PCDH15: variants seen among roughly 807,000 people sequenced by gnomAD.
The protein encoded by PCDH15 is protocadherin related 15.
PCDH15 carries 129 observed loss-of-function variants against 178.5 expected under a neutral mutation model. The observed-to-expected ratio is 0.72, with a 90% CI of 0.63 to 0.84. The LOEUF (loss-of-function observed/expected upper bound fraction) is 0.84, where lower values mean the gene tolerates loss of function less well. PCDH15 is among the 40% of genes least tolerant of loss of function. The pLI, the probability that PCDH15 is intolerant of heterozygous loss-of-function variation, is 0.00. For missense variants in PCDH15, 2,230 were observed against 2,099.9 expected (o/e 1.06, Z -1.21); for synonymous variants, 800 against 732.0 (o/e 1.09, Z -1.50).
intron 15 of PCDH15, among the ~76,000 whole-genome samples, chr10:54,092,759 A>G (rs1045111270): frequency 2.0e-5 from 3 of 152,164 alleles, no homozygotes; most frequent in Admixed American, 1.3e-4. Flanking sequence ...TCAGAGAATT[A>G]TATCTGGAGA....
chr10:54,410,877 A>G (rs1953388179), intron 3 of PCDH15, among the ~76,000 whole-genome samples: 1 of 116,378 alleles, frequency 8.6e-6, no homozygotes, highest in Non-Finnish European at 1.9e-5. Context: ...AAGGACTCTG[A>G]CCGAGCTGGC....
intron 33 of PCDH15, among the ~76,000 whole-genome samples, 177 bp downstream of exon 33, chr10:53,819,988 C>T (rs761550450): frequency 2.0e-5 from 3 of 151,862 alleles, no homozygotes; most frequent in Non-Finnish European, 4.4e-5. Context: ...GGCAATATAA[C>T]AATTTAATAG....
chr10:54,322,870 CCTAAA>C (rs1473797369), intron 7 of PCDH15, among the ~76,000 whole-genome samples: 3 of 150,466 alleles, frequency 2.0e-5, no homozygotes, highest in African/African-American at 7.5e-5. Context: ...ACAAGTAGCA[CCTAAA>C]CTAAAGAGCT....
chr10:54,346,058 G>A (rs552981471), intron 6 of PCDH15, among the ~76,000 whole-genome samples: 1 of 152,060 alleles, frequency 6.6e-6, no homozygotes, highest in East Asian at 1.9e-4. Flanking sequence ...TTTGACACTT[G>A]TTATCTCATC....
chr10:54,183,657 C>T (rs2048221215), intron 12 of PCDH15, 64 bp from the exon 13 acceptor site: 3 of 1,584,016 alleles, frequency 1.9e-6, no homozygotes, highest in Non-Finnish European at 2.6e-6. Context: ...ACAGAGTTTG[C>T]TCTTACAGTT....
At chr10:54,700,025 A>C (rs142330695) in intron 1 of PCDH15, among the ~76,000 whole-genome samples, 1 of 152,176 alleles carries the variant, frequency 6.6e-6, no homozygotes, top group East Asian at 1.9e-4. Flanking sequence ...GGTTCCCAGC[A>C]TGAAGGGGCT....
intron 1 of PCDH15, among the ~76,000 whole-genome samples, chr10:55,222,730 C>CACACACACACACACACACACATATATAT: frequency 8.2e-6 from 1 of 121,262 alleles, no homozygotes; most frequent in Non-Finnish European, 1.7e-5. Context: ...CACACACACA[C>CACACACACACACACACACACATATATAT]ATATATATAT....
At chr10:55,521,992 T>C (rs1488563790) in intron 2 of PCDH15, among the ~76,000 whole-genome samples, 1 of 151,906 alleles carries the variant, frequency 6.6e-6, no homozygotes, top group African/African-American at 2.4e-5. Context: ...GAATGCATAT[T>C]GAATTCATAT....
At chr10:54,001,235 A>G (rs1255819116) in intron 20 of PCDH15, among the ~76,000 whole-genome samples, 1 of 152,234 alleles carries the variant, frequency 6.6e-6, no homozygotes, top group African/African-American at 2.4e-5. Context: ...ATAAGAAATC[A>G]TCTGAAGATA....
chr10:54,588,335 A>C (rs1210260929), intron 2 of PCDH15, among the ~76,000 whole-genome samples: 1 of 152,222 alleles, frequency 6.6e-6, no homozygotes, highest in African/African-American at 2.4e-5. Flanking sequence ...TAATGACAAT[A>C]TATTTGTTGG....
At chr10:55,432,794 TA>T (rs1339641517) in intron 2 of PCDH15, among the ~76,000 whole-genome samples, 30 of 151,184 alleles carry the variant, frequency 2.0e-4, no homozygotes, top group African/African-American at 2.2e-4. Flanking sequence ...TATATATATA[TA>T]TTTTATTTTT....
intron 2 of PCDH15, among the ~76,000 whole-genome samples, chr10:54,929,195 A>G (rs1031406705): frequency 1.1e-4 from 16 of 152,232 alleles, no homozygotes; most frequent in Admixed American, 9.8e-4. Flanking sequence ...CATGGGACCA[A>G]TGTTCAGCTC....
chr10:55,587,229 T>C (rs1367145226), intron 2 of PCDH15, among the ~76,000 whole-genome samples: 1 of 152,096 alleles, frequency 6.6e-6, no homozygotes, highest in African/African-American at 2.4e-5. Context: ...ATCACAATAC[T>C]TCAACATAAA....
At chr10:54,532,319 A>C (rs1482453327) in intron 2 of PCDH15, among the ~76,000 whole-genome samples, 6 of 152,206 alleles carry the variant, frequency 3.9e-5, no homozygotes, top group Non-Finnish European at 7.3e-5. Flanking sequence ...TAACCTACAA[A>C]GTCCTCCACA....
chr10:55,503,403 T>C (rs1840697259), intron 2 of PCDH15, among the ~76,000 whole-genome samples: 1 of 148,508 alleles, frequency 6.7e-6, no homozygotes, highest in Non-Finnish European at 1.5e-5. Flanking sequence ...AAAATTATAT[T>C]GTATTAATTA....
chr10:55,348,144 C>A (rs1016220824), intron 2 of PCDH15, among the ~76,000 whole-genome samples: 6 of 152,084 alleles, frequency 3.9e-5, no homozygotes, highest in Non-Finnish European at 7.4e-5. Context: ...GTCATTGTCC[C>A]ATGCTTCCCT....
At chr10:54,178,180 G>C (rs1378284989) in intron 13 of PCDH15, among the ~76,000 whole-genome samples, 1 of 152,008 alleles carries the variant, frequency 6.6e-6, no homozygotes, top group African/African-American at 2.4e-5. Flanking sequence ...AAAAGATTAA[G>C]GACTTTTGAC....
intron 20 of PCDH15, among the ~76,000 whole-genome samples, chr10:54,006,247 C>T (rs2092383373): frequency 6.6e-6 from 1 of 152,244 alleles, no homozygotes; most frequent in Middle Eastern, 3.4e-3. Context: ...CTCCTGCTAT[C>T]ACCAAGTTCA....
chr10:54,454,814 G>A lies in PCDH15; in HGVS notation c.157+72998C>T, dbSNP rs545182524. On this transcript the variant is annotated intron_variant, in intron 3 of 37. Coordinates refer to ENST00000644397, the MANE Select transcript of PCDH15 (RefSeq NM_001384140.1). ...GTGCAAGTATATCTAGGTTACATCT[G>A]ATTAGCTTTCACATGTTTTAGCAGG... Among the ~76,000 whole-genome samples the A allele has an allele frequency of 4.3e-4, 65 of 152,200 alleles. 1 individual carries two copies. The highest frequency in any genetic ancestry group is 1.5e-3 in the African/African-American group (63 of 41,538).
Sources: allele counts gnomAD v4.1 joint callset (sites outside exome capture counted in the v4.1 genomes callset), GRCh38; gene constraint gnomAD v4.1.1; transcripts MANE v1.5; gene names NCBI Gene and HGNC (gene_info 2026-07-23, HGNC 2026-07-21).